FOXK2: variants seen among roughly 807,000 people sequenced by gnomAD.
FOXK2 encodes forkhead box protein K2.
FOXK2 carries 24 observed loss-of-function variants against 53.3 expected under a neutral mutation model. The ratio of observed to expected loss-of-function variants is 0.45; its 90% CI spans 0.33 to 0.63. The LOEUF (loss-of-function observed/expected upper bound fraction) is 0.63. FOXK2 is among the 30% of genes least tolerant of loss of function. The pLI, the probability that FOXK2 is intolerant of heterozygous loss-of-function variation, is 0.03. For synonymous variants in FOXK2, 505 were observed against 407.1 expected, an observed-to-expected ratio of 1.24 and a Z score of -2.89; for missense variants, 952 against 910.5, an observed-to-expected ratio of 1.05 and a Z score of -0.59.
intron 1 of FOXK2, among the ~76,000 whole-genome samples, chr17:82,521,017 G>A (rs1310453680): frequency 2.0e-5 from 3 of 152,156 alleles, no homozygotes; most frequent in Non-Finnish European, 4.4e-5. Flanking sequence ...TGCCTATCCT[G>A]CTACAAAACA....
At chr17:82,524,465 A>G (rs1214402939) in intron 1 of FOXK2, among the ~76,000 whole-genome samples, 1 of 152,198 alleles carries the variant, frequency 6.6e-6, no homozygotes, top group African/African-American at 2.4e-5. Context: ...AAAGATGAGG[A>G]CTATGATCCT....
intron 8 of FOXK2, among the ~76,000 whole-genome samples, chr17:82,588,773 T>C (rs2045223239): frequency 1.3e-5 from 2 of 151,578 alleles, no homozygotes; most frequent in Admixed American, 1.3e-4. Context: ...TATCCCTGCC[T>C]GGTATAGTGC....
At chr17:82,583,089 C>G (rs938718822) in intron 5 of FOXK2, among the ~76,000 whole-genome samples, 155 bp downstream of exon 5, 1 of 152,170 alleles carries the variant, frequency 6.6e-6, no homozygotes, top group African/African-American at 2.4e-5. Flanking sequence ...GGGTGCTGCC[C>G]AGGTGTTTCT....
intron 1 of FOXK2, among the ~76,000 whole-genome samples, chr17:82,525,165 A>G (rs1372705973): frequency 6.6e-6 from 1 of 150,638 alleles, no homozygotes; most frequent in African/African-American, 2.4e-5. Context: ...TATTTTATTT[A>G]TTTATCTATT....
intron 1 of FOXK2, among the ~76,000 whole-genome samples, chr17:82,546,165 G>A (rs1161617969): frequency 7.7e-6 from 1 of 130,126 alleles, no homozygotes; most frequent in Non-Finnish European, 1.5e-5. Flanking sequence ...CGCCCAGGCT[G>A]GAGTGCAGTG....
rs746295222 is a variant in FOXK2 at position 82,563,439 on chromosome 17, G to C, written c.505G>C (p.Glu169Gln). ...SEKREKQEAS[E>Q]SPVKAVQPHI... Reference sequence around the variant, plus strand: ...GAAGAGAGAGAAGCAGGAGGCGTCTGAGTCTCCAGTGAAGGCCGTACAGCC... The same window carrying C: ...GAAGAGAGAGAAGCAGGAGGCGTCTCAGTCTCCAGTGAAGGCCGTACAGCC... The change falls in exon 2 of 9, where the codon GAG (glutamate) becomes CAG (glutamine). Residue 169 changes from glutamate to glutamine, a missense_variant. By Grantham distance (29) the Glu-to-Gln change is conservative (BLOSUM62 2). Coordinates refer to ENST00000335255, the MANE Select transcript of FOXK2 (RefSeq NM_004514.4). 2 of 1,614,172 alleles carry C rather than the reference G, an allele frequency of 1.2e-6. No individual in the cohort carries two copies. The highest frequency in any genetic ancestry group is 2.2e-5 in the East Asian group (1 of 44,884).
chr17:82,583,366 C>G (rs1452150259), intron 5 of FOXK2, among the ~76,000 whole-genome samples: 1 of 152,092 alleles, frequency 6.6e-6, no homozygotes, highest in Non-Finnish European at 1.5e-5. Flanking sequence ...CCAATATGGT[C>G]AAACCCCGTC....
chr17:82,529,388 ATT>A (rs767198244), intron 1 of FOXK2, among the ~76,000 whole-genome samples: 1,298 of 121,990 alleles, frequency 0.011, 20 homozygotes, highest in African/African-American at 0.037. Context: ...ACGCCGGCTA[ATT>A]TTTTTTTTTT....
intron 8 of FOXK2, among the ~76,000 whole-genome samples, chr17:82,592,861 A>G (rs950282429): frequency 2.6e-5 from 4 of 151,600 alleles, no homozygotes; most frequent in Admixed American, 6.6e-5. Flanking sequence ...ACAGGCTCTT[A>G]TTCTGAAAGC....
chr17:82,534,179 G>A (rs554014194), intron 1 of FOXK2, among the ~76,000 whole-genome samples: 3 of 152,166 alleles, frequency 2.0e-5, no homozygotes, highest in African/African-American at 2.4e-5. Context: ...CTCGGAGGTT[G>A]AGGCTGCTGT....
intron 1 of FOXK2, among the ~76,000 whole-genome samples, chr17:82,529,670 G>A (rs1481396782): frequency 6.6e-6 from 1 of 152,148 alleles, no homozygotes; most frequent in Non-Finnish European, 1.5e-5. Context: ...ACAGGCGTGA[G>A]CCATGGCGCC....
intron 1 of FOXK2, among the ~76,000 whole-genome samples, chr17:82,558,579 G>T (rs563047211): frequency 3.3e-5 from 5 of 152,310 alleles, no homozygotes; most frequent in African/African-American, 9.6e-5. Flanking sequence ...GGAAGAGATC[G>T]CCTCTTTCCC....
intron 1 of FOXK2, among the ~76,000 whole-genome samples, chr17:82,523,784 CT>C (rs2044390458): frequency 6.6e-6 from 1 of 151,470 alleles, no homozygotes; most frequent in South Asian, 2.1e-4. Flanking sequence ...GCCCTAAAAT[CT>C]TTTTTTCTGA....
At chr17:82,563,286 A>G in intron 1 of FOXK2, 68 bp from the exon 2 acceptor site, 1 of 1,463,582 alleles carries the variant, frequency 6.8e-7, no homozygotes, top group Non-Finnish European at 9.3e-7. Flanking sequence ...TTGTGGGGAC[A>G]TGTGGGGACT....
At chr17:82,571,532 C>T (rs1030192957) in intron 3 of FOXK2, among the ~76,000 whole-genome samples, 192 bp from the exon 4 acceptor site, 3 of 152,046 alleles carry the variant, frequency 2.0e-5, no homozygotes, top group Admixed American at 6.5e-5. Context: ...ACTCAGAGGG[C>T]GGAGACTGCA....
intron 8 of FOXK2, 133 bp downstream of exon 8, chr17:82,587,405 A>G (rs2045198738): frequency 1.4e-6 from 1 of 725,820 alleles, no homozygotes; most frequent in Admixed American, 2.2e-5. Flanking sequence ...TCGAAGCTGC[A>G]GGAAATCTAG....
chr17:82,588,928 G>A (rs970696842), intron 8 of FOXK2, among the ~76,000 whole-genome samples: 5 of 151,244 alleles, frequency 3.3e-5, no homozygotes, highest in East Asian at 1.9e-4. Context: ...GTCTGGTGGC[G>A]GGTGCCTGTA....
chr17:82,595,887 A>G, intron 8 of FOXK2: 2 of 1,284,336 alleles, frequency 1.6e-6, no homozygotes, highest in South Asian at 2.5e-5. Flanking sequence ...TCTGGAGACA[A>G]GAGCAAAGCC....
At position 82,588,886 on chromosome 17, in the gene FOXK2, T is replaced by TA. The variant is rs71369024; in HGVS notation, c.1786+1633dup. On this transcript the variant is annotated intron_variant, in intron 8 of 8. Coordinates refer to ENST00000335255, the MANE Select transcript of FOXK2 (RefSeq NM_004514.4). The stretch of plus-strand genomic sequence containing the variant: ...CAACATGGTGAAACACCATTTCTAC[T>TA]AAAAAAAAAAAAAAAAAAACAAATT... Among the ~76,000 whole-genome samples the TA allele has an allele frequency of 2.0e-3, 250 of 122,034 alleles. 1 individual carries two copies. Among genetic ancestry groups the TA allele is most frequent in the East Asian group, 8.6e-3 (36 of 4,188 alleles). The allele number at this position is 122,034 out of a possible 152,430, so 80.1% of individuals were successfully genotyped here.
Sources: allele counts gnomAD v4.1 joint callset (sites outside exome capture counted in the v4.1 genomes callset), GRCh38; gene constraint gnomAD v4.1.1; transcripts MANE v1.5; gene names NCBI Gene and HGNC (gene_info 2026-07-23, HGNC 2026-07-21).